COBLL1: variants seen among roughly 807,000 people sequenced by gnomAD.
COBLL1 encodes cordon-bleu WH2 repeat protein like 1.
A neutral mutation model predicts 94.8 loss-of-function variants in COBLL1; 50 were observed. The ratio of observed to expected loss-of-function variants is 0.53; its 90% CI spans 0.42 to 0.67. The LOEUF is 0.67. Ranked by LOEUF, COBLL1 falls within the 30% of genes least tolerant of loss-of-function variation. COBLL1 has a pLI of 0.00. For synonymous variants in COBLL1, 448 were observed against 473.8 expected (o/e 0.95, Z 0.71); for missense variants, 1,362 against 1,348.7 (o/e 1.01, Z -0.15).
At chr2:164,731,963 T>C (rs922047155) in intron 3 of COBLL1, among the ~76,000 whole-genome samples, 4 of 152,088 alleles carry the variant, frequency 2.6e-5, no homozygotes, top group Non-Finnish European at 2.9e-5. Flanking sequence ...TGTGTGGTCT[T>C]GAAGTCAAAC....
intron 7 of COBLL1, among the ~76,000 whole-genome samples, chr2:164,714,204 C>T (rs545910452): frequency 1.5e-4 from 22 of 151,518 alleles, no homozygotes; most frequent in African/African-American, 5.3e-4. Flanking sequence ...ATGTTATTCC[C>T]CTGTAAGTTT....
Position 164,695,677 on chromosome 2 carries a change from G to C in COBLL1, c.1715C>G (p.Thr572Ser). ...PSNSEAHETD[T>S]AISYKENHLA... The stretch of plus-strand genomic sequence containing the variant: ...ATGGTTTTCCTTGTAACTTATAGCA[G>C]TATCAGTTTCATGTGCCTCAGAGTT... Residue 572 changes from threonine (T) to serine (S), a missense_variant, in exon 12 of 14, where the codon ACT (threonine) becomes AGT (serine). Transcript: ENST00000652658. The C allele has an allele frequency of 6.2e-7, 1 of 1,613,830 alleles. No individual in the cohort carries two copies. The highest frequency in any genetic ancestry group is 8.5e-7 in the Non-Finnish European group (1 of 1,179,816).
Position 164,695,217 on chromosome 2 carries a change from A to G in COBLL1, c.2175T>C (p.Tyr725=). Residue 725 remains tyrosine, a synonymous_variant, in exon 12 of 14, where the codon TAT becomes TAC. Coordinates refer to ENST00000652658, the MANE Select transcript of COBLL1 (RefSeq NM_001365672.2). ...PKPSNEITRE[Y]IPKIGMTTYK... ...AAGTAGTCATGCCAATTTTGGGTAT[A>G]TACTCTCGTGTAATTTCATTTGAAG... The G allele has an allele frequency of 6.2e-7, 1 of 1,613,980 alleles. No individual in the cohort carries two copies. The highest frequency in any genetic ancestry group is 8.5e-7 in the Non-Finnish European group (1 of 1,179,956).
chr2:164,743,054 A>G (rs1044855240), intron 3 of COBLL1: 3 of 152,176 alleles, frequency 2.0e-5, no homozygotes, highest in Non-Finnish European at 4.4e-5. Context: ...AAAGGTATTT[A>G]AAAATACCAG....
At chr2:164,757,313 CA>C (rs1687461735) in intron 2 of COBLL1, among the ~76,000 whole-genome samples, 2 of 151,920 alleles carry the variant, frequency 1.3e-5, no homozygotes, top group South Asian at 2.1e-4. Context: ...AATAAATGTT[CA>C]AAAAATAAAT....
At chr2:164,727,928 T>C (rs772775570) in intron 5 of COBLL1, 41 bp downstream of exon 5, 6 of 1,341,780 alleles carry the variant, frequency 4.5e-6, no homozygotes, top group African/African-American at 4.4e-5. Context: ...TATACAAATA[T>C]ACACATCCCA....
chr2:164,832,956 T>C (rs1352984627), intron 2 of COBLL1, among the ~76,000 whole-genome samples: 3 of 151,798 alleles, frequency 2.0e-5, no homozygotes, highest in Non-Finnish European at 4.4e-5. Flanking sequence ...GGTAGGAGAA[T>C]TGCTTGAAAC....
At chr2:164,798,554 G>A (rs1309974203) in intron 2 of COBLL1, among the ~76,000 whole-genome samples, 1 of 152,232 alleles carries the variant, frequency 6.6e-6, no homozygotes, top group Non-Finnish European at 1.5e-5. Flanking sequence ...TCAGGGCTGG[G>A]AAAGGAGTTG....
chr2:164,805,323 C>CTATA (rs1559033361), intron 2 of COBLL1, among the ~76,000 whole-genome samples: 26 of 33,654 alleles, frequency 7.7e-4, no homozygotes, highest in Admixed American at 1.7e-3. Context: ...CTCTCTCTCT[C>CTATA]TCTCTCTCTC....
chr2:164,679,390 A>C (rs763872792), downstream of COBLL1, among the ~76,000 whole-genome samples: 1 of 152,156 alleles, frequency 6.6e-6, no homozygotes. Flanking sequence ...TAAGGTTACA[A>C]AGATTAGAAA....
At chr2:164,819,368 T>A (rs1370408400) in intron 2 of COBLL1, among the ~76,000 whole-genome samples, 2 of 152,128 alleles carry the variant, frequency 1.3e-5, no homozygotes, top group Admixed American at 1.3e-4. Context: ...GCATAGGAAG[T>A]GAATTTATAA....
intron 2 of COBLL1, chr2:164,665,697 G>A (rs1440074378): frequency 6.6e-6 from 1 of 152,140 alleles, no homozygotes; most frequent in Non-Finnish European, 1.5e-5. Context: ...AATGTTGTTT[G>A]AGAAATGCAA....
intron 13 of COBLL1, chr2:164,687,829 G>T: frequency 3.0e-6 from 1 of 333,290 alleles, no homozygotes; most frequent in Middle Eastern, 3.5e-4. Context: ...CTGTGTACAG[G>T]ATAATTATTT....
At chr2:164,687,814 T>C (rs964572039) in intron 13 of COBLL1, 19 of 408,594 alleles carry the variant, frequency 4.7e-5, no homozygotes, top group African/African-American at 8.0e-5. Flanking sequence ...TGGTCCTAAA[T>C]GTTTCTGTGT....
chr2:164,803,576 A>C (rs1243272875), intron 2 of COBLL1, among the ~76,000 whole-genome samples: 1 of 118,664 alleles, frequency 8.4e-6, no homozygotes, highest in Non-Finnish European at 1.9e-5. Context: ...AAAATAAATA[A>C]ATAAATAAAT....
At chr2:164,795,640 A>G (rs577303913) in intron 2 of COBLL1, among the ~76,000 whole-genome samples, 38 of 152,228 alleles carry the variant, frequency 2.5e-4, no homozygotes, top group Admixed American at 7.8e-4. Context: ...CAGAACATAC[A>G]TCTACAATAT....
Position 164,700,429 on chromosome 2 carries a change from T to A in COBLL1, c.1460+93A>T, listed in dbSNP as rs1388735613. 6 of 765,216 alleles carry A rather than the reference T, an allele frequency of 7.8e-6. No individual in the cohort carries two copies. The African/African-American group carries it at 1.1e-4, about 14-fold the overall frequency. 47.4% of individuals were successfully genotyped at this position (765,216 alleles called of 1,614,324 possible). A position where few individuals can be genotyped will look rare whatever the true frequency, so the allele number is the denominator to read the frequency against. ...ATAAAGTCAAAACCAAAGGGCTGAC[T>A]ATATTTATGTTTAAAATATCAGATC... On this transcript the variant is annotated intron_variant, in intron 10 of 13. Coordinates refer to ENST00000652658, the MANE Select transcript of COBLL1 (RefSeq NM_001365672.2).
At position 164,827,672 on chromosome 2, in the gene COBLL1, A is replaced by G. The variant is rs115165676; in HGVS notation, c.41+13484T>C. On this transcript the variant is annotated intron_variant, in intron 2 of 13. Transcript: ENST00000652658. ...CAAGGCAATTGACAATTTAGATTTC[A>G]GGGTGTTGACACAAATGAGTATGAA... Among the ~76,000 whole-genome samples the G allele has an allele frequency of 9.4e-3, 1,432 of 152,338 alleles. 16 individuals carry two copies. The highest frequency in any genetic ancestry group is 0.014 in the Non-Finnish European group (984 of 68,020).
intron 1 of COBLL1, among the ~76,000 whole-genome samples, chr2:164,673,098 G>C (rs1035137685): frequency 6.6e-6 from 1 of 152,142 alleles, no homozygotes; most frequent in African/African-American, 2.4e-5. Flanking sequence ...GTCTTTATAA[G>C]TATACATAAT....
Sources: allele counts gnomAD v4.1 joint callset (sites outside exome capture counted in the v4.1 genomes callset), GRCh38; gene constraint gnomAD v4.1.1; transcripts MANE v1.5; gene names NCBI Gene and HGNC (gene_info 2026-07-23, HGNC 2026-07-21).